CNGB3: variants seen among roughly 807,000 people sequenced by gnomAD.
CNGB3 encodes cyclic nucleotide-gated channel beta-3.
CNGB3 carries 86 observed loss-of-function variants against 92.8 expected under a neutral mutation model. The ratio of observed to expected loss-of-function variants is 0.93; its 90% CI spans 0.78 to 1.11. The LOEUF (loss-of-function observed/expected upper bound fraction) is 1.11. Among genes scored for constraint, CNGB3 ranks in the 50% least tolerant of loss-of-function variants. The pLI, the probability that CNGB3 is intolerant of heterozygous loss-of-function variation, is 0.00. For missense variants in CNGB3, 1,026 were observed against 956.8 expected, an observed-to-expected ratio of 1.07 and a Z score of -0.95; for synonymous variants, 333 against 332.7, an observed-to-expected ratio of 1.00 and a Z score of -0.01.
chr8:86,637,298 A>G (rs1823090815), intron 10 of CNGB3, among the ~76,000 whole-genome samples: 2 of 152,060 alleles, frequency 1.3e-5, no homozygotes, highest in Non-Finnish European at 1.5e-5. Context: ...TGGGCTCTCT[A>G]TTTTGTTTCA....
At position 86,699,018 on chromosome 8, in the gene CNGB3, T is replaced by C. The variant is rs1015929231; in HGVS notation, c.338+27513A>G. Among the ~76,000 whole-genome samples, 4 of 152,226 alleles carry C rather than the reference T, an allele frequency of 2.6e-5. No homozygotes were observed. The South Asian group carries it at 8.3e-4, about 31-fold the overall frequency. ...TTGGGAGTATATGGTATGTATTTATTGTCCTAGGTGCTGGGTTTATTTTTT... is the reference window on the plus strand; with the variant it reads ...TTGGGAGTATATGGTATGTATTTATCGTCCTAGGTGCTGGGTTTATTTTTT... On this transcript the variant is annotated intron_variant, in intron 3 of 17. Transcript: ENST00000320005.
intron 3 of CNGB3, among the ~76,000 whole-genome samples, chr8:86,697,517 C>T (rs989328820): frequency 6.6e-6 from 1 of 152,150 alleles, no homozygotes; most frequent in Non-Finnish European, 1.5e-5. Flanking sequence ...TTCACTGGTA[C>T]ACTTTTCCAA....
intron 12 of CNGB3, 37 bp from the exon 13 acceptor site, chr8:86,626,117 A>G (rs1383669954): frequency 6.7e-7 from 1 of 1,484,148 alleles, no homozygotes; most frequent in South Asian, 1.1e-5. Context: ...CCGATGCAGA[A>G]TAATTAATGA....
intron 10 of CNGB3, among the ~76,000 whole-genome samples, chr8:86,643,167 T>A (rs1016444971): frequency 6.6e-6 from 1 of 151,384 alleles, no homozygotes; most frequent in Non-Finnish European, 1.5e-5. Flanking sequence ...TTATTCTCTA[T>A]CTTCTTTCAT....
At chr8:86,635,202 T>A (rs1287856110) in intron 10 of CNGB3, among the ~76,000 whole-genome samples, 2 of 152,182 alleles carry the variant, frequency 1.3e-5, no homozygotes, top group Non-Finnish European at 2.9e-5. Flanking sequence ...TTCCAATTTA[T>A]AATTTCCTAT....
intron 6 of CNGB3, chr8:86,657,742 GCAGC>G (rs1823541593): frequency 6.5e-6 from 3 of 460,482 alleles, no homozygotes; most frequent in South Asian, 1.7e-5. Flanking sequence ...TGCAGCTCCT[GCAGC>G]TCCAGCAGCT....
At chr8:86,732,492 A>G (rs773185062) in intron 2 of CNGB3, among the ~76,000 whole-genome samples, 1 of 152,238 alleles carries the variant, frequency 6.6e-6, no homozygotes, top group Non-Finnish European at 1.5e-5. Flanking sequence ...CTCATGAGAA[A>G]TGAAGCCATA....
chr8:86,630,506 G>C (rs1218688003), intron 11 of CNGB3, among the ~76,000 whole-genome samples: 2 of 152,166 alleles, frequency 1.3e-5, no homozygotes, highest in Non-Finnish European at 2.9e-5. Flanking sequence ...AAGTACATGA[G>C]AGTATGAGAG....
rs144463040 is a variant in CNGB3 at position 86,601,994 on chromosome 8, C to T, written c.1781+2099G>A. On this transcript the variant is annotated intron_variant, in intron 15 of 17. Transcript: ENST00000320005. The stretch of plus-strand genomic sequence containing the variant: ...GATTCAATTCTTAGGGTATTTCCTC[C>T]TGTGATGATAATATCAGCAATTAAC... 9.2e-5 allele frequency among the ~76,000 whole-genome samples: 14 copies of T among 152,260 alleles called. No individual in the cohort carries two copies. The East Asian group carries it at 1.3e-3, about 15-fold the overall frequency.
chr8:86,731,063 T>C (rs1825147075), intron 2 of CNGB3, among the ~76,000 whole-genome samples: 1 of 152,242 alleles, frequency 6.6e-6, no homozygotes, highest in Non-Finnish European at 1.5e-5. Context: ...AGTGACCTAA[T>C]AGTTATTTCA....
chr8:86,693,320 G>A (rs1253567726), intron 3 of CNGB3, among the ~76,000 whole-genome samples: 1 of 151,782 alleles, frequency 6.6e-6, no homozygotes, highest in African/African-American at 2.4e-5. Flanking sequence ...CCTCATATAA[G>A]TTTTCCAAAC....
chr8:86,677,468 T>C (rs1300019111), intron 3 of CNGB3, among the ~76,000 whole-genome samples: 1 of 152,202 alleles, frequency 6.6e-6, no homozygotes, highest in Admixed American at 6.6e-5. Flanking sequence ...AAGGGAGGAC[T>C]GCGTGGTAGA....
At position 86,577,737 on chromosome 8, in the gene CNGB3, C is replaced by A. The variant is rs960234826; in HGVS notation, c.2103+952G>T. Among the ~76,000 whole-genome samples the A allele has an allele frequency of 7.9e-5, 12 of 152,296 alleles. No homozygotes were observed. In the East Asian group the frequency reaches 2.3e-3, roughly 29 times the overall value. On this transcript the variant is annotated intron_variant, in intron 17 of 17. Transcript: ENST00000320005. Reference sequence around the variant, plus strand: ...GCCTGAATGAAGTTTACCTAACACACATATTTTCTCTGGAAGGCACATCAC... The same window carrying A: ...GCCTGAATGAAGTTTACCTAACACAAATATTTTCTCTGGAAGGCACATCAC...
intron 3 of CNGB3, among the ~76,000 whole-genome samples, chr8:86,712,931 T>G (rs1367609358): frequency 1.3e-5 from 2 of 151,800 alleles, no homozygotes; most frequent in Admixed American, 6.6e-5. Flanking sequence ...TCAAATGAAC[T>G]TTATAACCAA....
intron 3 of CNGB3, among the ~76,000 whole-genome samples, chr8:86,720,591 A>C (rs1258136516): frequency 6.6e-6 from 1 of 152,096 alleles, no homozygotes; most frequent in Admixed American, 6.6e-5. Flanking sequence ...CAGTTTGGAG[A>C]TTCCTTAAAG....
chr8:86,645,087 T>A (rs543693516), intron 8 of CNGB3, among the ~76,000 whole-genome samples: 1 of 151,470 alleles, frequency 6.6e-6, no homozygotes, highest in South Asian at 2.1e-4. Context: ...AGATGTTAAG[T>A]CTTATTGCTC....
At chr8:86,620,881 A>G (rs1236478353) in intron 13 of CNGB3, among the ~76,000 whole-genome samples, 1 of 148,994 alleles carries the variant, frequency 6.7e-6, no homozygotes, top group Non-Finnish European at 1.5e-5. Context: ...CATATTTTCT[A>G]TTTCACTTGG....
intron 15 of CNGB3, among the ~76,000 whole-genome samples, chr8:86,589,490 C>T (rs1486273159): frequency 6.6e-6 from 1 of 151,806 alleles, no homozygotes; most frequent in South Asian, 2.1e-4. Flanking sequence ...CTATAAATTT[C>T]CCTCTACACA....
chr8:86,716,410 GC>G (rs1444561569), intron 3 of CNGB3, among the ~76,000 whole-genome samples: 2 of 152,162 alleles, frequency 1.3e-5, no homozygotes, highest in African/African-American at 4.8e-5. Context: ...TCATCGCCTA[GC>G]ACATAGTCAG....
Sources: gnomAD v4.1 joint callset for allele counts (sites outside exome capture counted in the v4.1 genomes callset) on GRCh38, gnomAD v4.1.1 for gene constraint, MANE v1.5 for transcripts, NCBI Gene and HGNC (gene_info 2026-07-23, HGNC 2026-07-21) for gene names.